The following EPS15L1 variants were observed in gnomAD, a reference collection of about 807,000 sequenced individuals.
EPS15L1 encodes the protein epidermal growth factor receptor substrate 15-like 1.
Under a neutral mutation model 117.1 loss-of-function variants are expected in EPS15L1, and 43 were observed. That is an observed-to-expected ratio of 0.37 (90% confidence interval 0.29 to 0.47). The LOEUF is 0.47. Among genes scored for constraint, EPS15L1 ranks in the 20% least tolerant of loss-of-function variants. The probability of loss-of-function intolerance (pLI) is 0.99; values close to 1 mark genes in which losing one functional copy is unlikely to be tolerated. For synonymous variants in EPS15L1, 459 were observed against 470.5 expected (o/e 0.98, Z 0.32); for missense variants, 981 against 1,164.0 (o/e 0.84, Z 2.29).
At chr19:16,463,681 G>C (rs2093274325) in intron 1 of EPS15L1, among the ~76,000 whole-genome samples, 1 of 152,192 alleles carries the variant, frequency 6.6e-6, no homozygotes, top group African/African-American at 2.4e-5. Flanking sequence ...TGCCCTTGTG[G>C]ACCTAGTCTA....
chr19:16,400,625 C>A, intron 16 of EPS15L1: 1 of 984,738 alleles, frequency 1.0e-6, no homozygotes, highest in Non-Finnish European at 1.2e-6. Flanking sequence ...AGAAACAAGC[C>A]AGAAAAATGC....
rs559353403 is a variant in EPS15L1, at chr19:16,440,929, C to T, written c.166-20G>A. 15 of 1,613,892 alleles carry T rather than the reference C, an allele frequency of 9.3e-6. No homozygotes were observed. In the South Asian group the frequency reaches 1.6e-4, roughly 18 times the overall value. ...CCATATCTGCGGAAACACAAAAATG[C>T]TCATAAGCATGACTGCCGATCACTG... On this transcript the variant is annotated intron_variant, in intron 3 of 23. Coordinates refer to ENST00000455140, the MANE Select transcript of EPS15L1 (RefSeq NM_001258374.3).
At chr19:16,452,925 T>C (rs568085412) in intron 1 of EPS15L1, among the ~76,000 whole-genome samples, 30 of 152,052 alleles carry the variant, frequency 2.0e-4, no homozygotes, top group Non-Finnish European at 4.1e-4. Flanking sequence ...GCCTCCCGAA[T>C]AGCTAGGACT....
intron 1 of EPS15L1, among the ~76,000 whole-genome samples, chr19:16,445,759 G>A (rs2093076943): frequency 6.6e-6 from 1 of 152,182 alleles, no homozygotes; most frequent in Admixed American, 6.5e-5. Context: ...AGTGAGCCTG[G>A]GGCCAAGCCC....
At chr19:16,455,331 T>G (rs964163317) in intron 1 of EPS15L1, among the ~76,000 whole-genome samples, 1 of 152,062 alleles carries the variant, frequency 6.6e-6, no homozygotes, top group Non-Finnish European at 1.5e-5. Context: ...CTCATTATTT[T>G]GCCAGGCTGG....
intron 10 of EPS15L1, among the ~76,000 whole-genome samples, chr19:16,418,628 G>A (rs1033735048): frequency 1.3e-5 from 2 of 152,184 alleles, no homozygotes; most frequent in Non-Finnish European, 2.9e-5. Context: ...TGTTATGAAC[G>A]GAACGTTTAT....
rs199675277 is a variant in EPS15L1, at chr19:16,448,536, A to AT, written c.34-6318dup. On this transcript the variant is annotated intron_variant, in intron 1 of 23. Coordinates refer to ENST00000455140, the MANE Select transcript of EPS15L1 (RefSeq NM_001258374.3). ...CTGGGCAATAAGAGCAAAATTCCGT[A>AT]TTAAAAAAAAAGGGGGGGGGAGAAA... Among the ~76,000 whole-genome samples the AT allele has an allele frequency of 8.3e-3, 1,067 of 127,786 alleles. 6 individuals carry two copies. Among genetic ancestry groups the AT allele is most frequent in the Middle Eastern group, 0.019 (4 of 210 alleles). The allele number at this position is 127,786 out of a possible 152,430, so 83.8% of individuals were successfully genotyped here.
chr19:16,462,003 C>T (rs1367356420), intron 1 of EPS15L1, among the ~76,000 whole-genome samples: 1 of 152,164 alleles, frequency 6.6e-6, no homozygotes, highest in Non-Finnish European at 1.5e-5. Flanking sequence ...GGCTGGGAAC[C>T]CAGCAGGGAG....
At chr19:16,367,076 G>C (rs1393108120) in intron 22 of EPS15L1, among the ~76,000 whole-genome samples, 1 of 151,942 alleles carries the variant, frequency 6.6e-6, no homozygotes, top group African/African-American at 2.4e-5. Context: ...AGTAAGGAGA[G>C]AGCTTTACTG....
chr19:16,357,243 C>G (rs1044104983), intron 23 of EPS15L1: 3 of 152,290 alleles, frequency 2.0e-5, no homozygotes, highest in African/African-American at 4.8e-5. Flanking sequence ...ACACTGAGGC[C>G]AGGGAAGGGG....
rs948672942 is a variant in EPS15L1 at position 16,383,459 on chromosome 19, C to T, written c.2247+1670G>A. Reference sequence around the variant, plus strand: ...GGGACTGCTGCCACCGTGTGGCCAACGTTTTCTGCTTTCGGGAGATGGTTT... The same window carrying T: ...GGGACTGCTGCCACCGTGTGGCCAATGTTTTCTGCTTTCGGGAGATGGTTT... On this transcript the variant is annotated intron_variant, in intron 21 of 23. Coordinates refer to ENST00000455140, the MANE Select transcript of EPS15L1 (RefSeq NM_001258374.3). This position sits in a 1 kb window ranked among gnomAD's most constrained non-coding sequence, Gnocchi z 5.2. The T allele has an allele frequency of 5.3e-5, 8 of 152,334 alleles. No homozygotes were observed. The highest frequency in any genetic ancestry group is 2.1e-4 in the South Asian group (1 of 4,834). The allele number at this position is 152,334 out of a possible 1,614,324, so 9.4% of individuals were successfully genotyped here. A position where few individuals can be genotyped will look rare whatever the true frequency, so the allele number is the denominator to read the frequency against.
intron 16 of EPS15L1, among the ~76,000 whole-genome samples, chr19:16,398,749 T>C (rs2092566355): frequency 6.6e-6 from 1 of 152,132 alleles, no homozygotes; most frequent in Non-Finnish European, 1.5e-5. Flanking sequence ...CGTGGGAGTT[T>C]TGACCTGCTC....
At chr19:16,362,866 C>T (rs754163257) in intron 22 of EPS15L1, among the ~76,000 whole-genome samples, 2 of 152,086 alleles carry the variant, frequency 1.3e-5, no homozygotes, top group African/African-American at 2.4e-5. Context: ...CTCCAAGGGG[C>T]AGCGTTTATC....
In EPS15L1 at chr19:16,464,810, A is replaced by C. The variant is rs186856037; in HGVS notation, c.33+7103T>G. Among the ~76,000 whole-genome samples the C allele has an allele frequency of 9.2e-5, 14 of 152,232 alleles. No homozygotes were observed. In the South Asian group the frequency reaches 1.4e-3, roughly 16 times the overall value. On this transcript the variant is annotated intron_variant, in intron 1 of 23. Transcript: ENST00000455140. The stretch of plus-strand genomic sequence containing the variant: ...AGCTTTAAAAAATTCACGGGTGGGC[A>C]TGGTGGCTCACGCCTGTAATCCCAG...
rs2093037744 is a variant in EPS15L1, at chr19:16,442,075, A to T, written c.76-94T>A. On this transcript the variant is annotated intron_variant, in intron 2 of 23. Coordinates refer to ENST00000455140, the MANE Select transcript of EPS15L1 (RefSeq NM_001258374.3). ...CACGCTAACTATCCGCTGACAGTGA[A>T]CAGAAAAGGACAAAAGGCCGCTCAG... The T allele has an allele frequency of 5.4e-6, 8 of 1,471,154 alleles. No homozygotes were observed. The Admixed American group carries it at 7.0e-5, about 13-fold the overall frequency. 91.1% of individuals were successfully genotyped at this position (1,471,154 alleles called of 1,614,324 possible). A position where few individuals can be genotyped will look rare whatever the true frequency, so the allele number is the denominator to read the frequency against.
rs536271781 is a variant in EPS15L1, at chr19:16,413,060, C to T, written c.1266+713G>A. ...AACAGACCCGCGCCGGCCAGTGCAC[C>T]AGGTTCAAGGCGTTTGTTGCTATCG... On this transcript the variant is annotated intron_variant, in intron 13 of 23. Transcript: ENST00000455140. 37 of 720,984 alleles carry T rather than the reference C, an allele frequency of 5.1e-5. No individual in the cohort carries two copies. In the Admixed American group the frequency reaches 7.3e-4, roughly 14 times the overall value. The allele number at this position is 720,984 out of a possible 1,614,324, so 44.7% of individuals were successfully genotyped here. A position where few individuals can be genotyped will look rare whatever the true frequency, so the allele number is the denominator to read the frequency against.
At chr19:16,460,908 T>G (rs911086212) in intron 1 of EPS15L1, among the ~76,000 whole-genome samples, 3 of 152,166 alleles carry the variant, frequency 2.0e-5, no homozygotes, top group African/African-American at 7.2e-5. Flanking sequence ...CATCATCAAG[T>G]TTTTTCGTGT....
chr19:16,401,896 G>C (rs952326631), intron 16 of EPS15L1: 1 of 992,494 alleles, frequency 1.0e-6, no homozygotes, highest in Non-Finnish European at 1.2e-6. Flanking sequence ...GGTGTTCCTT[G>C]TGGAAACACA....
intron 19 of EPS15L1, among the ~76,000 whole-genome samples, chr19:16,387,400 A>T (rs1011795297): frequency 3.3e-5 from 5 of 152,188 alleles, no homozygotes; most frequent in African/African-American, 1.2e-4. Context: ...TGAGGTCAGG[A>T]GTTTGAGACC....
Sources: allele counts gnomAD v4.1 joint callset (sites outside exome capture counted in the v4.1 genomes callset), GRCh38; gene constraint gnomAD v4.1.1; non-coding constraint Gnocchi (gnomAD v3.1); transcripts MANE v1.5; gene names NCBI Gene and HGNC (gene_info 2026-07-23, HGNC 2026-07-21).